DNAH1: variants seen among roughly 807,000 people sequenced by gnomAD.
DNAH1 encodes the protein axonemal beta dynein heavy chain 1.
Under a neutral mutation model 484.3 loss-of-function variants are expected in DNAH1, and 327 were observed. That is an observed-to-expected ratio of 0.68 (90% confidence interval 0.62 to 0.74). DNAH1 has a LOEUF of 0.74. DNAH1 is among the 30% of genes least tolerant of loss of function. DNAH1 has a pLI of 0.00. For synonymous variants in DNAH1, 2,192 were observed against 2,191.9 expected (o/e 1.00, Z 0.00); for missense variants, 5,052 against 5,546.8 (o/e 0.91, Z 2.83).
chr3:52,399,496 G>T (rs1704806531), intron 76 of DNAH1, 49 bp from the exon 77 acceptor site: 1 of 1,509,850 alleles, frequency 6.6e-7, no homozygotes, highest in East Asian at 2.3e-5. Context: ...TCCTAACCCA[G>T]ATTCTGGGTA....
In DNAH1 at chr3:52,357,940, G is replaced by T. The variant is rs149752071; in HGVS notation, c.4023G>T (p.Ser1341=). The change falls in exon 24 of 78, where the codon TCG becomes TCT. Residue 1341 remains serine (S), a synonymous_variant. Coordinates refer to ENST00000420323, the MANE Select transcript of DNAH1 (RefSeq NM_015512.5). ...LSDDELLEIL[S]QTKDPTAVQP... is the part of the protein sequence containing the mutation. The stretch of plus-strand genomic sequence containing the variant: ...ATGATGAACTACTAGAGATCTTGTC[G>T]CAGACAAAGGACCCCACGGCCGTGC... The T allele has an allele frequency of 1.2e-5, 20 of 1,613,102 alleles. No individual in the cohort carries two copies. The highest frequency in any genetic ancestry group is 3.3e-5 in the South Asian group (3 of 91,078).
chr3:52,369,352 G>T (rs1026612811), intron 37 of DNAH1, among the ~76,000 whole-genome samples: 4 of 152,158 alleles, frequency 2.6e-5, no homozygotes, highest in East Asian at 1.9e-4. Flanking sequence ...ACACCACGGG[G>T]ATCTGTCTGG....
rs1283058981 is a variant in DNAH1 at position 52,361,905 on chromosome 3, C to T, written c.4980+139C>T. On this transcript the variant is annotated intron_variant, in intron 30 of 77. Transcript: ENST00000420323. This position sits in a 1 kb window ranked among gnomAD's most constrained non-coding sequence, Gnocchi z 5.6. The stretch of plus-strand genomic sequence containing the variant: ...CTCTTGTCCCGGGGGCACACCCTAA[C>T]CCCAGTCTGTGGGCAGCTCCCAGGC... The T allele has an allele frequency of 1.6e-5, 15 of 911,540 alleles. No homozygotes were observed. Among genetic ancestry groups the T allele is most frequent in the African/African-American group, 1.3e-4 (8 of 60,198 alleles). The allele number at this position is 911,540 out of a possible 1,614,324, so 56.5% of individuals were successfully genotyped here. A position where few individuals can be genotyped will look rare whatever the true frequency, so the allele number is the denominator to read the frequency against.
rs532123560 is a variant in DNAH1 at position 52,391,694 on chromosome 3, G to A, written c.10052+91G>A. ...CCCACCCCCAGGCCGGGAGTCAGTG[G>A]GACTTTCCCCCACTCAAAGTCTCCA... On this transcript the variant is annotated intron_variant, in intron 63 of 77. Transcript: ENST00000420323. 1.5e-3 allele frequency: 2,209 copies of A among 1,490,066 alleles called. 2 individuals are homozygous for A. Among genetic ancestry groups the A allele is most frequent in the Non-Finnish European group, 1.8e-3 (2,007 of 1,088,076 alleles). 92.3% of individuals were successfully genotyped at this position (1,490,066 alleles called of 1,614,324 possible). A position where few individuals can be genotyped will look rare whatever the true frequency, so the allele number is the denominator to read the frequency against.
At chr3:52,365,841 C>G (rs546200275) in intron 34 of DNAH1, among the ~76,000 whole-genome samples, 1 of 152,220 alleles carries the variant, frequency 6.6e-6, no homozygotes, top group Admixed American at 6.5e-5. Context: ...CCTGCACCCC[C>G]GACCCTAGCA....
At chr3:52,386,102 G>A in intron 54 of DNAH1, 58 bp from the exon 55 acceptor site, 1 of 1,535,802 alleles carries the variant, frequency 6.5e-7, no homozygotes, top group Admixed American at 1.9e-5. Context: ...CATCTGGGGA[G>A]ACTAAGATGC....
Position 52,345,476 on chromosome 3 carries a change from T to C in DNAH1, c.1445-19T>C. ...GCCAGGCAGGGTCTGATACTGGCCC[T>C]TGGCCCCTATCCCTGCAGGGCTGGT... On this transcript the variant is annotated intron_variant, in intron 9 of 77. Coordinates refer to ENST00000420323, the MANE Select transcript of DNAH1 (RefSeq NM_015512.5). 1.3e-6 allele frequency: 2 copies of C among 1,552,398 alleles called. No homozygotes were observed. Among genetic ancestry groups the C allele is most frequent in the Non-Finnish European group, 1.7e-6 (2 of 1,146,844 alleles).
intron 41 of DNAH1, 140 bp downstream of exon 41, chr3:52,370,965 A>G: frequency 1.4e-6 from 1 of 727,958 alleles, no homozygotes; most frequent in South Asian, 1.8e-5. Context: ...GCATCATCTC[A>G]TGAATCCTCA....
In DNAH1 at chr3:52,373,783, A is replaced by T; in HGVS notation, c.6985+730A>T. On this transcript the variant is annotated intron_variant, in intron 44 of 77. Coordinates refer to ENST00000420323, the MANE Select transcript of DNAH1 (RefSeq NM_015512.5). ...GAATTAAAACGAGCTGCTTTAAGTG[A>T]AATGGTAGAATATATCACCCATAAT... 4 of 1,420,906 alleles carry T rather than the reference A, an allele frequency of 2.8e-6. No homozygotes were observed. The South Asian group carries it at 4.6e-5, about 16-fold the overall frequency. The allele number at this position is 1,420,906 out of a possible 1,614,324, so 88.0% of individuals were successfully genotyped here. A position where few individuals can be genotyped will look rare whatever the true frequency, so the allele number is the denominator to read the frequency against.
At chr3:52,390,001 T>G (rs1410646631) in intron 60 of DNAH1, among the ~76,000 whole-genome samples, 1 of 152,156 alleles carries the variant, frequency 6.6e-6, no homozygotes, top group African/African-American at 2.4e-5. Flanking sequence ...AAGCCTGTAA[T>G]CCCAGCTACT....
At chr3:52,375,144 A>G in intron 44 of DNAH1, 96 bp from the exon 45 acceptor site, 10 of 1,363,338 alleles carry the variant, frequency 7.3e-6, no homozygotes, top group Non-Finnish European at 9.9e-6. Context: ...GTACTGTTCT[A>G]AAGTATAATT....
chr3:52,312,829 T>C (rs1200240417), upstream of DNAH1, among the ~76,000 whole-genome samples: 19 of 152,214 alleles, frequency 1.2e-4, no homozygotes, highest in Admixed American at 1.2e-3. Flanking sequence ...ATTTTTTGTA[T>C]TTTTAGTAGA....
rs544767337 is a variant in DNAH1, at chr3:52,356,597, G to GCCCCT, written c.3694-7_3694-3dup. On this transcript the variant is annotated splice_polypyrimidine_tract_variant and intron_variant, in intron 21 of 77. Coordinates refer to ENST00000420323, the MANE Select transcript of DNAH1 (RefSeq NM_015512.5). ...GACAGTCCATATCACACCCCTCCCT[G>GCCCCT]CCCCTCCCCTCCCCAGGAGGTTCTG... is the stretch of plus-strand genomic sequence containing the variant. 3.4e-4 allele frequency: 551 copies of GCCCCT among 1,612,108 alleles called. 1 individual carries two copies. In the African/African-American group the frequency reaches 6.6e-3, roughly 19 times the overall value.
At chr3:52,374,396 C>T (rs1174488956) in intron 44 of DNAH1, 3 of 1,340,252 alleles carry the variant, frequency 2.2e-6, no homozygotes, top group African/African-American at 1.4e-5. Flanking sequence ...AAAAGGACAG[C>T]ACCCCCACAG....
Position 52,326,134 on chromosome 3 carries a change from C to G in DNAH1, c.407-6C>G. 1.3e-6 allele frequency: 2 copies of G among 1,582,590 alleles called. No homozygotes were observed. The highest frequency in any genetic ancestry group is 1.7e-6 in the Non-Finnish European group (2 of 1,160,488). On this transcript the variant is annotated splice_polypyrimidine_tract_variant and splice_region_variant and intron_variant, in intron 3 of 77. Transcript: ENST00000420323. ...CTGAAGCCCCTGCCCCTGCTTCTACCTGCAGTCGGAAGCTTTGAGGTTCCT... is the reference window on the plus strand; with the variant it reads ...CTGAAGCCCCTGCCCCTGCTTCTACGTGCAGTCGGAAGCTTTGAGGTTCCT...
chr3:52,398,826 A>G (rs376871020), intron 75 of DNAH1, 24 bp from the exon 76 acceptor site: 14 of 1,502,394 alleles, frequency 9.3e-6, no homozygotes, highest in Non-Finnish European at 1.2e-5. Context: ...CCCACTACCT[A>G]TTCTCTTGCC....
intron 20 of DNAH1, among the ~76,000 whole-genome samples, chr3:52,354,231 A>G (rs1702514385): frequency 6.6e-6 from 1 of 152,248 alleles, no homozygotes; most frequent in Non-Finnish European, 1.5e-5. Flanking sequence ...AGGGTTCAGC[A>G]ACTGGCCAGG....
rs1346596455 is a variant in DNAH1 at position 52,391,214 on chromosome 3, T to G, written c.9777T>G (p.Ser3259Arg). The change falls in exon 62 of 78, where the codon AGT (serine) becomes AGG (arginine). Residue 3259 changes from serine (S) to arginine (R), a missense_variant. Coordinates refer to ENST00000420323, the MANE Select transcript of DNAH1 (RefSeq NM_015512.5). ...KDNGLDVFKL[S>R]DRDFLRSMEN... ...ATGGGCTGGATGTGTTCAAGTTGAG[T>G]GACCGCGACTTCCTGCGCAGCATGG... 5 of 1,613,910 alleles carry G rather than the reference T, an allele frequency of 3.1e-6. No homozygotes were observed. Among genetic ancestry groups the G allele is most frequent in the Non-Finnish European group, 4.2e-6 (5 of 1,179,872 alleles).
chr3:52,381,792 G>C lies in DNAH1; in HGVS notation c.7761G>C (p.Val2587=). 1.2e-6 allele frequency: 2 copies of C among 1,603,796 alleles called. No homozygotes were observed. The highest frequency in any genetic ancestry group is 4.5e-5 in the East Asian group (2 of 44,334). The part of the protein sequence containing the change: ...QALGNALLLG[V]GGSGRSSLTR... ...TGGGCAATGCACTCCTGCTGGGCGT[G>C]GGTGGCAGCGGCCGCAGCTCCCTCA... The change falls in exon 49 of 78, where the codon GTG becomes GTC. Residue 2587 remains valine, a synonymous_variant. Coordinates refer to ENST00000420323, the MANE Select transcript of DNAH1 (RefSeq NM_015512.5). This position sits in a 1 kb window ranked among gnomAD's most constrained non-coding sequence, Gnocchi z 4.1.
Sources: gnomAD v4.1 joint callset for allele counts (sites outside exome capture counted in the v4.1 genomes callset) on GRCh38, gnomAD v4.1.1 for gene constraint, Gnocchi (gnomAD v3.1) non-coding constraint, MANE v1.5 for transcripts, NCBI Gene and HGNC (gene_info 2026-07-23, HGNC 2026-07-21) for gene names.